GPM6A: variants seen among roughly 807,000 people sequenced by gnomAD.
The protein encoded by GPM6A is glycoprotein M6A, also known as neuronal membrane glycoprotein M6-a.
A neutral mutation model predicts 32.1 loss-of-function variants in GPM6A; 7 were observed. The ratio of observed to expected loss-of-function variants is 0.22; its 90% confidence interval spans 0.12 to 0.41. The LOEUF (loss-of-function observed/expected upper bound fraction) is 0.41. GPM6A is among the 10% of genes least tolerant of loss of function. GPM6A has a pLI of 1.00. For missense variants in GPM6A, 235 were observed against 347.2 expected (o/e 0.68, Z 2.57); for synonymous variants, 130 against 123.4 (o/e 1.05, Z -0.35).
At chr4:175,731,727 T>C (rs1731442808) in intron 1 of GPM6A, among the ~76,000 whole-genome samples, 1 of 152,218 alleles carries the variant, frequency 6.6e-6, no homozygotes, top group African/African-American at 2.4e-5. Context: ...AACACTTTGA[T>C]AGCCCCTAAG....
At chr4:175,789,745 T>C (rs529892115) in intron 1 of GPM6A, among the ~76,000 whole-genome samples, 1 of 152,302 alleles carries the variant, frequency 6.6e-6, no homozygotes, top group South Asian at 2.1e-4. Context: ...AACTCTCTAT[T>C]TCTCTCCTTA....
chr4:175,670,834 C>T (rs1345532092), intron 3 of GPM6A, among the ~76,000 whole-genome samples: 1 of 150,736 alleles, frequency 6.6e-6, no homozygotes, highest in Non-Finnish European at 1.5e-5. Context: ...GATTATCACT[C>T]TCCATTCAGT....
chr4:175,796,612 T>G (rs1340510955), intron 1 of GPM6A, among the ~76,000 whole-genome samples: 1 of 152,194 alleles, frequency 6.6e-6, no homozygotes, highest in Non-Finnish European at 1.5e-5. Context: ...TATAAGTATG[T>G]AAAAGCTAAA....
chr4:175,735,995 T>C (rs1430043488), intron 1 of GPM6A, among the ~76,000 whole-genome samples: 2 of 152,160 alleles, frequency 1.3e-5, no homozygotes, highest in Admixed American at 6.5e-5. Context: ...ACAAGGTCTG[T>C]GAGACTAAAA....
intron 1 of GPM6A, among the ~76,000 whole-genome samples, chr4:175,902,113 G>A (rs1275811434): frequency 6.6e-6 from 1 of 151,992 alleles, no homozygotes; most frequent in Non-Finnish European, 1.5e-5. Flanking sequence ...ATCAGCAAAA[G>A]GATGGATAAA....
At chr4:175,951,463 C>T (rs1045007516) in intron 1 of GPM6A, among the ~76,000 whole-genome samples, 8 of 152,048 alleles carry the variant, frequency 5.3e-5, no homozygotes, top group African/African-American at 1.7e-4. Flanking sequence ...CCTATAAGTC[C>T]GAAATTTCTG....
chr4:175,742,899 C>T (rs772294078), intron 1 of GPM6A, among the ~76,000 whole-genome samples: 4 of 152,006 alleles, frequency 2.6e-5, no homozygotes, highest in Non-Finnish European at 5.9e-5. Context: ...GTAATCCCAG[C>T]ACTTAGGTAG....
chr4:175,933,953 A>G (rs1395539747), intron 1 of GPM6A, among the ~76,000 whole-genome samples: 2 of 152,228 alleles, frequency 1.3e-5, no homozygotes, highest in African/African-American at 2.4e-5. Context: ...TTCATCTTTT[A>G]AAAGAAATGG....
chr4:175,788,952 G>T (rs1733904922), intron 1 of GPM6A, among the ~76,000 whole-genome samples: 1 of 152,076 alleles, frequency 6.6e-6, no homozygotes, highest in African/African-American at 2.4e-5. Flanking sequence ...ATGAAACACT[G>T]CTGGTTTCAT....
chr4:175,850,854 T>C (rs1736231505), intron 1 of GPM6A, among the ~76,000 whole-genome samples: 1 of 150,204 alleles, frequency 6.7e-6, no homozygotes, highest in South Asian at 2.1e-4. Flanking sequence ...ATATTATATA[T>C]GTTTATATAT....
At chr4:175,889,616 C>T (rs1053749552) in intron 1 of GPM6A, among the ~76,000 whole-genome samples, 26 of 151,808 alleles carry the variant, frequency 1.7e-4, no homozygotes, top group African/African-American at 6.3e-4. Context: ...GAGATTGAGG[C>T]CATTGGCTAA....
intron 1 of GPM6A, among the ~76,000 whole-genome samples, chr4:175,714,682 A>G (rs905766605): frequency 3.3e-5 from 5 of 152,218 alleles, no homozygotes; most frequent in South Asian, 4.1e-4. Context: ...CCTATTTATT[A>G]TGAATTTTTC....
intron 1 of GPM6A, among the ~76,000 whole-genome samples, chr4:175,792,455 A>AT (rs1039650219): frequency 2.0e-5 from 3 of 151,898 alleles, no homozygotes; most frequent in African/African-American, 4.8e-5. Flanking sequence ...GCAACCCTAT[A>AT]TTTTTTTTAC....
At chr4:175,921,624 CATTTT>C (rs1452773597) in intron 1 of GPM6A, among the ~76,000 whole-genome samples, 1 of 152,152 alleles carries the variant, frequency 6.6e-6, no homozygotes, top group East Asian at 1.9e-4. Context: ...ATTATGCCTT[CATTTT>C]GTTTATTCAG....
At chr4:175,866,480 G>T (rs900805536) in intron 1 of GPM6A, among the ~76,000 whole-genome samples, 4 of 152,014 alleles carry the variant, frequency 2.6e-5, no homozygotes, top group African/African-American at 9.7e-5. Flanking sequence ...TCACCATTCT[G>T]CCTTTTCCAG....
chr4:175,858,130 A>G (rs918074349), intron 1 of GPM6A, among the ~76,000 whole-genome samples: 1 of 152,218 alleles, frequency 6.6e-6, no homozygotes, highest in South Asian at 2.1e-4. Context: ...CATTTCACCA[A>G]ATAAATATAT....
chr4:175,800,135 A>G (rs1734416881), intron 1 of GPM6A, among the ~76,000 whole-genome samples: 1 of 152,172 alleles, frequency 6.6e-6, no homozygotes, highest in Admixed American at 6.5e-5. Context: ...AAGTCAATAA[A>G]TAATTCCAAT....
chr4:175,683,528 C>CTA (rs1743802059), intron 2 of GPM6A, among the ~76,000 whole-genome samples: 1 of 152,012 alleles, frequency 6.6e-6, no homozygotes, highest in Non-Finnish European at 1.5e-5. Context: ...ATATTTGTCC[C>CTA]TGCTTAAATC....
intron 1 of GPM6A, among the ~76,000 whole-genome samples, chr4:175,746,485 T>A (rs1165478018): frequency 2.0e-5 from 3 of 152,014 alleles, no homozygotes; most frequent in African/African-American, 7.2e-5. Context: ...TAAAATCTAA[T>A]TTTTTTTAAA....
Sources: allele counts gnomAD v4.1 joint callset (sites outside exome capture counted in the v4.1 genomes callset), GRCh38; gene constraint gnomAD v4.1.1; transcripts MANE v1.5; gene names NCBI Gene and HGNC (gene_info 2026-07-23, HGNC 2026-07-21).